C4orf54: variants seen among roughly 807,000 people sequenced by gnomAD.
The protein encoded by C4orf54 is chromosome 4 open reading frame 54, also known as uncharacterized protein C4orf54.
C4orf54 carries 67 observed loss-of-function variants against 80.1 expected under a neutral mutation model. That is an observed-to-expected ratio of 0.84 (90% CI 0.69 to 1.03). C4orf54 has a LOEUF of 1.03. Among genes scored for constraint, C4orf54 ranks in the 50% least tolerant of loss-of-function variants. C4orf54 has a pLI of 0.00. For synonymous variants in C4orf54, 1,000 were observed against 917.0 expected, an observed-to-expected ratio of 1.09 and a Z score of -1.64; for missense variants, 2,434 against 2,253.5, an observed-to-expected ratio of 1.08 and a Z score of -1.62.
Position 99,653,158 on chromosome 4 carries a change from G to A in C4orf54, c.1491C>T (p.Thr497=). ...CTGCTGCCCCTGAAGCTGCCTCCGG[G>A]GTCTCAGGCAAGGGCTCAGTCAGGG... ...TAPLTEPLPE[T]PEAASGAAAA... The change falls in exon 2 of 3, where the codon ACC becomes ACT. Residue 497 remains threonine (T), a synonymous_variant. Coordinates refer to ENST00000511828, the MANE Select transcript of C4orf54 (RefSeq NM_001354435.2). 6.5e-7 allele frequency: 1 copy of A among 1,536,140 alleles called. No homozygotes were observed. Among genetic ancestry groups the A allele is most frequent in the Non-Finnish European group, 8.7e-7 (1 of 1,146,900 alleles).
chr4:99,648,673 G>A (rs1351903180), intron 2 of C4orf54, among the ~76,000 whole-genome samples: 2 of 151,806 alleles, frequency 1.3e-5, no homozygotes, highest in African/African-American at 2.4e-5. Context: ...AAATACAGTC[G>A]CTTTGTATAA....
Position 99,653,340 on chromosome 4 carries a change from G to C in C4orf54, c.1309C>G (p.Pro437Ala), listed in dbSNP as rs1326191656. The change falls in exon 2 of 3, where the codon CCC becomes GCC. Residue 437 changes from proline (P) to alanine (A), a missense_variant. Physicochemically the swap from Pro to Ala is conservative, Grantham distance 27 (BLOSUM62 -1). Transcript: ENST00000511828. ...GGCGTCCGGGTGGTGTTGGTGCTGG[G>C]AGTGGTGCTGAGGTAGCAGCTGTTG... ...DDNSCYLSTT[P>A]STNTTRTPSP... 6 of 1,535,198 alleles carry C rather than the reference G, an allele frequency of 3.9e-6. No individual in the cohort carries two copies. Among genetic ancestry groups the C allele is most frequent in the Non-Finnish European group, 3.5e-6 (4 of 1,146,132 alleles).
Position 99,639,700 on chromosome 4 carries a change from A to G in C4orf54, c.*1533T>C, listed in dbSNP as rs1726572921. The G allele has an allele frequency of 1.3e-5, 2 of 152,102 alleles. No individual in the cohort carries two copies. The highest frequency in any genetic ancestry group is 3.2e-3 in the Middle Eastern group (1 of 316). The allele number at this position is 152,102 out of a possible 1,614,324, so 9.4% of individuals were successfully genotyped here. The stretch of plus-strand genomic sequence containing the variant: ...CCTTAAAGGAAGGCCCTGAAAGTGA[A>G]ATTAAGTCTTTTTTAAGAGTCTGAG... On this transcript the variant is annotated 3_prime_UTR_variant, in exon 3 of 3. Transcript: ENST00000511828.
At chr4:99,644,132 C>A (rs1416970057) in intron 2 of C4orf54, among the ~76,000 whole-genome samples, 1 of 152,180 alleles carries the variant, frequency 6.6e-6, no homozygotes, top group African/African-American at 2.4e-5. Flanking sequence ...GAGCACGGGC[C>A]ACGGAGCTCC....
chr4:99,656,263 TG>T (rs112970901), intron 1 of C4orf54, among the ~76,000 whole-genome samples: 13 of 151,844 alleles, frequency 8.6e-5, no homozygotes, highest in African/African-American at 2.9e-4. Context: ...TAGAGAGCCA[TG>T]TTTTTTTTTA....
Position 99,636,834 on chromosome 4 carries a change from C to T in C4orf54, c.*4399G>A, listed in dbSNP as rs181471335. On this transcript the variant is annotated 3_prime_UTR_variant, in exon 3 of 3. Transcript: ENST00000511828. ...CAGACCTCAGGTAGGAACTTTTCCA[C>T]CAAGATTCCTACGTTGAGAGCAGTT... 6.6e-6 allele frequency: 1 copy of T among 152,304 alleles called. No homozygotes were observed. The highest frequency in any genetic ancestry group is 1.5e-5 in the Non-Finnish European group (1 of 68,026). The allele number at this position is 152,304 out of a possible 1,614,324, so 9.4% of individuals were successfully genotyped here. A position where few individuals can be genotyped will look rare whatever the true frequency, so the allele number is the denominator to read the frequency against.
In C4orf54 at chr4:99,650,371, T is replaced by G. The variant is rs1318390159; in HGVS notation, c.4278A>C (p.Ala1426=). The G allele has an allele frequency of 5.2e-6, 8 of 1,535,970 alleles. No homozygotes were observed. The East Asian group carries it at 2.0e-4, about 38-fold the overall frequency. ...PQGPSPESPS[A]AKGIKSQGLR... ...GTCCCTGCGACTTGATGCCCTTAGC[T>G]GCTGAAGGACTCTCCGGAGAAGGCC... Residue 1426 remains alanine (A), a synonymous_variant, in exon 2 of 3, where the codon GCA becomes GCC. Coordinates refer to ENST00000511828, the MANE Select transcript of C4orf54 (RefSeq NM_001354435.2).
Position 99,653,312 on chromosome 4 carries a change from C to G in C4orf54, c.1337G>C (p.Ser446Thr). Residue 446 changes from serine to threonine, a missense_variant, in exon 2 of 3, where the codon AGC becomes ACC. Ser to Thr is a moderately conservative substitution (Grantham distance 58, BLOSUM62 1). Transcript: ENST00000511828. The part of the protein sequence containing the change: ...TPSTNTTRTP[S>T]PTSSDLARPN... ...GCGGGCCAGGTCGCTGCTTGTAGGG[C>G]TGGGCGTCCGGGTGGTGTTGGTGCT... 1 of 1,532,458 alleles carries G rather than the reference C, an allele frequency of 6.5e-7. No homozygotes were observed. The highest frequency in any genetic ancestry group is 8.7e-7 in the Non-Finnish European group (1 of 1,144,460). 94.9% of individuals were successfully genotyped at this position (1,532,458 alleles called of 1,614,324 possible).
chr4:99,653,527 C>G lies in C4orf54; in HGVS notation c.1122G>C (p.Gln374His). 1 of 1,536,108 alleles carries G rather than the reference C, an allele frequency of 6.5e-7. No individual in the cohort carries two copies. Among genetic ancestry groups the G allele is most frequent in the Non-Finnish European group, 8.7e-7 (1 of 1,146,902 alleles). Residue 374 changes from glutamine (Q) to histidine (H), a missense_variant, in exon 2 of 3, where the codon CAG becomes CAC. Physicochemically the swap from Gln to His is conservative, Grantham distance 24. Coordinates refer to ENST00000511828, the MANE Select transcript of C4orf54 (RefSeq NM_001354435.2). ...EAHYITTHEI[Q>H]LSEVEQDMDF... ...CCATGTCCTGTTCCACCTCACTCAG[C>G]TGGATCTCATGGGTGGTGATGTAGT...
At position 99,637,017 on chromosome 4, in the gene C4orf54, A is replaced by G. The variant is rs1272310061; in HGVS notation, c.*4216T>C. The G allele has an allele frequency of 6.6e-6, 1 of 152,152 alleles. No homozygotes were observed. Among genetic ancestry groups the G allele is most frequent in the Non-Finnish European group, 1.5e-5 (1 of 68,030 alleles). 9.4% of individuals were successfully genotyped at this position (152,152 alleles called of 1,614,324 possible). On this transcript the variant is annotated 3_prime_UTR_variant, in exon 3 of 3. Coordinates refer to ENST00000511828, the MANE Select transcript of C4orf54 (RefSeq NM_001354435.2). ...TTCTTTTCAACCACTGCTGTCTTTA[A>G]TATACAATAGTATGATTTATGTGTA... is the stretch of plus-strand genomic sequence containing the variant.
Position 99,654,062 on chromosome 4 carries a change from T to C in C4orf54, c.587A>G (p.Asp196Gly). 6.5e-7 allele frequency: 1 copy of C among 1,536,080 alleles called. No individual in the cohort carries two copies. The highest frequency in any genetic ancestry group is 8.7e-7 in the Non-Finnish European group (1 of 1,146,906). The change falls in exon 2 of 3, where the codon GAC (aspartate) becomes GGC (glycine). Residue 196 changes from aspartate (D) to glycine (G), a missense_variant. Coordinates refer to ENST00000511828, the MANE Select transcript of C4orf54 (RefSeq NM_001354435.2). ...CTGGACTTCAGCTGAAGCACACATG[T>C]CCACATATTTCGCTTCTCGCTGGGA... ...ASSQREAKYV[D>G]MCASAEVQRE...
In C4orf54 at chr4:99,641,113, A is replaced by C. The variant is rs1020415742; in HGVS notation, c.*120T>G. 2.0e-5 allele frequency: 3 copies of C among 152,282 alleles called. No individual in the cohort carries two copies. Among genetic ancestry groups the C allele is most frequent in the Middle Eastern group, 3.4e-3 (1 of 294 alleles). The allele number at this position is 152,282 out of a possible 1,614,324, so 9.4% of individuals were successfully genotyped here. A position where few individuals can be genotyped will look rare whatever the true frequency, so the allele number is the denominator to read the frequency against. ...AATTAAGAATAACACATGTGGAAGA[A>C]GTTTTTCAGATGAAATAATTCTTAG... On this transcript the variant is annotated 3_prime_UTR_variant, in exon 3 of 3. Coordinates refer to ENST00000511828, the MANE Select transcript of C4orf54 (RefSeq NM_001354435.2).
Position 99,652,730 on chromosome 4 carries a change from T to C in C4orf54, c.1919A>G (p.Glu640Gly). 6.5e-7 allele frequency: 1 copy of C among 1,536,008 alleles called. No homozygotes were observed. The highest frequency in any genetic ancestry group is 1.2e-5 in the South Asian group (1 of 84,050). ...AFRSLAYPYF[E>G]ALNISSRESS... The stretch of plus-strand genomic sequence containing the variant: ...CTCCCGGGAGCTGATGTTCAGAGCC[T>C]CAAAGTAGGGGTAAGCCAGGCTCCG... The change falls in exon 2 of 3, where the codon GAG (glutamate) becomes GGG (glycine). Residue 640 changes from glutamate to glycine, a missense_variant. Glu to Gly is a moderately conservative substitution (Grantham distance 98). Transcript: ENST00000511828.
rs371862356 is a variant in C4orf54, at chr4:99,650,316, G to A, written c.4333C>T (p.Arg1445Trp). The change falls in exon 2 of 3, where the codon CGG (arginine) becomes TGG (tryptophan). Residue 1445 changes from arginine (R) to tryptophan (W), a missense_variant. Transcript: ENST00000511828. The part of the protein sequence containing the change: ...LRSLKISPAT[R>W]APPDEVTNRK... ...TTGGTCACCTCATCAGGAGGTGCCC[G>A]GGTGGCTGGAGAGATCTTGAGGGAC... is the stretch of plus-strand genomic sequence containing the variant. 1.4e-4 allele frequency: 218 copies of A among 1,536,064 alleles called. No individual in the cohort carries two copies. The African/African-American group carries it at 2.4e-3, about 17-fold the overall frequency.
Position 99,651,939 on chromosome 4 carries a change from G to A in C4orf54, c.2710C>T (p.Arg904Cys), listed in dbSNP as rs930475098. ...KSPVFKASTP[R>C]ERNAGPGRNF... ...CGGCCAGGGCCTGCGTTGCGCTCGC[G>A]AGGAGTACTGGCTTTGAAGACTGGA... The change falls in exon 2 of 3, where the codon CGC becomes TGC. Residue 904 changes from arginine to cysteine, a missense_variant. By Grantham distance (180) the Arg-to-Cys change is radical. Transcript: ENST00000511828. 1 of 1,536,104 alleles carries A rather than the reference G, an allele frequency of 6.5e-7. No individual in the cohort carries two copies. The highest frequency in any genetic ancestry group is 8.7e-7 in the Non-Finnish European group (1 of 1,146,902).
chr4:99,656,973 T>C (rs548497116), intron 1 of C4orf54, among the ~76,000 whole-genome samples: 16 of 152,378 alleles, frequency 1.1e-4, no homozygotes, highest in Non-Finnish European at 1.6e-4. Flanking sequence ...ATAACTTGTT[T>C]GTTTTTTCTG....
chr4:99,642,701 C>T (rs1274271976), intron 2 of C4orf54, among the ~76,000 whole-genome samples: 3 of 152,188 alleles, frequency 2.0e-5, no homozygotes, highest in Non-Finnish European at 4.4e-5. Context: ...GAATGGATCA[C>T]GAAGAAGTCA....
At chr4:99,643,781 CA>C (rs1182662161) in intron 2 of C4orf54, among the ~76,000 whole-genome samples, 32 of 143,104 alleles carry the variant, frequency 2.2e-4, no homozygotes, top group Middle Eastern at 3.4e-3. Flanking sequence ...CACACACACA[CA>C]CACACACACA....
Position 99,649,665 on chromosome 4 carries a change from C to G in C4orf54, c.4984G>C (p.Val1662Leu), listed in dbSNP as rs1448706080. Residue 1662 changes from valine to leucine, a missense_variant, in exon 2 of 3, where the codon GTG (valine) becomes CTG (leucine). By Grantham distance (32) the Val-to-Leu change is conservative. Transcript: ENST00000511828. ...QQAVAPMSIS[V>L]PPLALSPGAY... ...CCAGGACTCAGGGCCAAGGGAGGCACAGAGATGGACATGGGAGCCACAGCC... is the reference window on the plus strand; with the variant it reads ...CCAGGACTCAGGGCCAAGGGAGGCAGAGAGATGGACATGGGAGCCACAGCC... 5 of 1,535,986 alleles carry G rather than the reference C, an allele frequency of 3.3e-6. No individual in the cohort carries two copies. The African/African-American group carries it at 4.1e-5, about 13-fold the overall frequency.
Sources: allele counts gnomAD v4.1 joint callset (sites outside exome capture counted in the v4.1 genomes callset), GRCh38; gene constraint gnomAD v4.1.1; transcripts MANE v1.5; gene names NCBI Gene and HGNC (gene_info 2026-07-23, HGNC 2026-07-21).